The following CDH13 variants were observed in gnomAD, a reference collection of about 807,000 sequenced individuals.
The protein encoded by CDH13 is cadherin-13.
A neutral mutation model predicts 63.8 loss-of-function variants in CDH13; 24 were observed. The ratio of observed to expected loss-of-function variants is 0.38; its 90% CI spans 0.27 to 0.53. The LOEUF is 0.53. CDH13 is among the 20% of genes least tolerant of loss of function. The pLI is 0.85. For missense variants in CDH13, 1,049 were observed against 903.1 expected, an observed-to-expected ratio of 1.16 and a Z score of -2.07; for synonymous variants, 503 against 355.3, an observed-to-expected ratio of 1.42 and a Z score of -4.67.
chr16:83,730,694 G>T (rs1910943101), intron 10 of CDH13, among the ~76,000 whole-genome samples: 1 of 152,112 alleles, frequency 6.6e-6, no homozygotes, highest in African/African-American at 2.4e-5. Context: ...GATTCAGGGG[G>T]TCCATGGGCA....
At chr16:82,928,011 G>C (rs1375706279) in intron 2 of CDH13, among the ~76,000 whole-genome samples, 2 of 152,172 alleles carry the variant, frequency 1.3e-5, no homozygotes, top group African/African-American at 2.4e-5. Flanking sequence ...TGTTTTTGCT[G>C]TGTATCTCTC....
At chr16:83,384,736 A>T (rs137959881) in intron 6 of CDH13, among the ~76,000 whole-genome samples, 1 of 152,220 alleles carries the variant, frequency 6.6e-6, no homozygotes, top group African/African-American at 2.4e-5. Flanking sequence ...ATGTGGATCA[A>T]TGTGGACTAA....
intron 7 of CDH13, among the ~76,000 whole-genome samples, chr16:83,597,007 G>A (rs972091305): frequency 4.6e-5 from 7 of 152,172 alleles, no homozygotes; most frequent in Non-Finnish European, 1.0e-4. Context: ...AGGATCACTT[G>A]AGCCCAGGAG....
intron 10 of CDH13, among the ~76,000 whole-genome samples, chr16:83,712,679 C>T (rs1213388645): frequency 6.6e-6 from 1 of 152,186 alleles, no homozygotes; most frequent in Non-Finnish European, 1.5e-5. Context: ...AATTTGTCTA[C>T]ACATCTATCC....
At chr16:82,801,735 A>G (rs752353277) in intron 1 of CDH13, among the ~76,000 whole-genome samples, 5 of 152,246 alleles carry the variant, frequency 3.3e-5, no homozygotes, top group Non-Finnish European at 5.9e-5. Context: ...TGTTACTTCA[A>G]TACTTTTACC....
chr16:82,702,934 G>A (rs902050429), intron 1 of CDH13, among the ~76,000 whole-genome samples: 4 of 152,044 alleles, frequency 2.6e-5, no homozygotes, highest in African/African-American at 9.7e-5. Context: ...TATGAAGTAA[G>A]CTCCCTGTGT....
intron 2 of CDH13, among the ~76,000 whole-genome samples, chr16:83,016,760 A>T (rs1914839808): frequency 6.6e-6 from 1 of 152,138 alleles, no homozygotes; most frequent in Admixed American, 6.6e-5. Context: ...TCTGCTTAGA[A>T]GCATTCTAGA....
At chr16:83,016,926 T>C (rs540873206) in intron 2 of CDH13, among the ~76,000 whole-genome samples, 1 of 152,344 alleles carries the variant, frequency 6.6e-6, no homozygotes, top group South Asian at 2.1e-4. Flanking sequence ...TGTGCTGTTC[T>C]TTTCTCCTCC....
At chr16:83,465,621 G>A (rs1195286506) in intron 6 of CDH13, among the ~76,000 whole-genome samples, 1 of 152,212 alleles carries the variant, frequency 6.6e-6, no homozygotes, top group Non-Finnish European at 1.5e-5. Flanking sequence ...CTTGATGCCT[G>A]TGTCGTTCTA....
In CDH13 at chr16:82,985,097, A is replaced by G. The variant is rs559104665; in HGVS notation, c.158-46913A>G. 2.6e-5 allele frequency among the ~76,000 whole-genome samples: 4 copies of G among 152,352 alleles called. No homozygotes were observed. In the East Asian group the frequency reaches 5.8e-4, roughly 22 times the overall value. On this transcript the variant is annotated intron_variant, in intron 2 of 13. Coordinates refer to ENST00000567109, the MANE Select transcript of CDH13 (RefSeq NM_001257.5). Reference sequence around the variant, plus strand: ...AATTCAAGACCTGTTGAATAAGGTCAGTAAGTAATAGTAGTTGCTGTATTT... The same window carrying G: ...AATTCAAGACCTGTTGAATAAGGTCGGTAAGTAATAGTAGTTGCTGTATTT...
intron 5 of CDH13, among the ~76,000 whole-genome samples, chr16:83,285,481 G>T (rs964388143): frequency 6.6e-6 from 1 of 151,512 alleles, no homozygotes; most frequent in South Asian, 2.1e-4. Flanking sequence ...ATATCCACAG[G>T]TTCCAACCAG....
chr16:82,771,062 G>T (rs1240840981), intron 1 of CDH13, among the ~76,000 whole-genome samples: 1 of 152,118 alleles, frequency 6.6e-6, no homozygotes, highest in Non-Finnish European at 1.5e-5. Flanking sequence ...ATTAAGTTGT[G>T]ACTTTAGCGT....
intron 6 of CDH13, among the ~76,000 whole-genome samples, chr16:83,406,938 A>T (rs1248571623): frequency 2.6e-5 from 4 of 152,250 alleles, no homozygotes; most frequent in African/African-American, 9.6e-5. Context: ...TATTGTTAAA[A>T]TTAGTTTATG....
chr16:82,671,534 C>G (rs900837156), intron 1 of CDH13, among the ~76,000 whole-genome samples: 13 of 152,310 alleles, frequency 8.5e-5, no homozygotes, highest in Non-Finnish European at 1.3e-4. Flanking sequence ...AATATCAAAG[C>G]AGATCAATTT....
At chr16:83,198,812 T>G (rs901678305) in intron 4 of CDH13, among the ~76,000 whole-genome samples, 1 of 152,188 alleles carries the variant, frequency 6.6e-6, no homozygotes, top group Non-Finnish European at 1.5e-5. Context: ...TTAGAAATAC[T>G]GGAAGGTAGA....
chr16:83,699,198 A>T, intron 10 of CDH13, among the ~76,000 whole-genome samples: 1 of 152,198 alleles, frequency 6.6e-6, no homozygotes, highest in East Asian at 1.9e-4. Flanking sequence ...ATGAAAGGTG[A>T]CCTAAGCCCC....
At chr16:83,018,511 G>C (rs1248224259) in intron 2 of CDH13, among the ~76,000 whole-genome samples, 1 of 152,134 alleles carries the variant, frequency 6.6e-6, no homozygotes, top group Non-Finnish European at 1.5e-5. Flanking sequence ...AAGTCATATA[G>C]GTTCCACTTG....
intron 1 of CDH13, among the ~76,000 whole-genome samples, chr16:82,638,823 T>TGTGTGTGTGTGTGTGTGTGCGCACGC: frequency 6.6e-6 from 1 of 150,790 alleles, no homozygotes; most frequent in South Asian, 2.1e-4. Context: ...GGGCAGTGTG[T>TGTGTGTGTGTGTGTGTGTGCGCACGC]GCGTGTGTGC....
intron 8 of CDH13, among the ~76,000 whole-genome samples, chr16:83,652,449 C>G (rs886109539): frequency 8.6e-5 from 13 of 152,008 alleles, no homozygotes; most frequent in African/African-American, 2.7e-4. Context: ...GTGGGATTCT[C>G]CATGGGCTGC....
Sources: gnomAD v4.1 joint callset for allele counts (sites outside exome capture counted in the v4.1 genomes callset) on GRCh38, gnomAD v4.1.1 for gene constraint, MANE v1.5 for transcripts, NCBI Gene and HGNC (gene_info 2026-07-23, HGNC 2026-07-21) for gene names.